KCNK9: variants seen among roughly 807,000 people sequenced by gnomAD.
KCNK9 encodes the protein potassium two pore domain channel subfamily K member 9.
KCNK9 carries 1 observed loss-of-function variant against 10.8 expected under a neutral mutation model. The observed-to-expected ratio is 0.09, with a 90% confidence interval of 0.03 to 0.44. The LOEUF (loss-of-function observed/expected upper bound fraction) is 0.44, where lower values mean the gene tolerates loss of function less well. Among genes scored for constraint, KCNK9 ranks in the 20% least tolerant of loss-of-function variants. The pLI is 0.97. For missense variants in KCNK9, 303 were observed against 515.0 expected (o/e 0.59, Z 3.98); for synonymous variants, 231 against 222.7 (o/e 1.04, Z -0.33).
chr8:139,613,630 A>G (rs1306175581), downstream of KCNK9, among the ~76,000 whole-genome samples: 1 of 152,196 alleles, frequency 6.6e-6, no homozygotes, highest in African/African-American at 2.4e-5. Context: ...TTTTGTGCTA[A>G]GTGCCCATAA....
rs942388518 is a variant in KCNK9, at chr8:139,693,030, C to T, written c.283+9680G>A. 6.6e-6 allele frequency among the ~76,000 whole-genome samples: 1 copy of T among 152,178 alleles called. No homozygotes were observed. The highest frequency in any genetic ancestry group is 2.4e-5 in the African/African-American group (1 of 41,456). ...CCACCTGAGAGATTCACCCCAACCT[C>T]ACCTGAGTTTTCACCCCAGCCCCAC... On this transcript the variant is annotated intron_variant, in intron 1 of 1. Coordinates refer to ENST00000520439, the MANE Select transcript of KCNK9 (RefSeq NM_001282534.2). This position sits in a 1 kb window ranked among gnomAD's most constrained non-coding sequence, Gnocchi z 4.1.
chr8:139,605,635 C>T (rs1049694054), intron 2 of KCNK9, among the ~76,000 whole-genome samples: 4 of 152,070 alleles, frequency 2.6e-5, no homozygotes, highest in African/African-American at 4.8e-5. Context: ...CATTTGTAAA[C>T]GTGCCATAGA....
At chr8:139,666,277 G>A (rs995971466) in intron 1 of KCNK9, among the ~76,000 whole-genome samples, 1 of 152,190 alleles carries the variant, frequency 6.6e-6, no homozygotes, top group Non-Finnish European at 1.5e-5. Context: ...CCCATCTGTA[G>A]AATGGAAGTC....
intron 1 of KCNK9, among the ~76,000 whole-genome samples, chr8:139,619,523 A>C (rs141341812): frequency 1.3e-5 from 2 of 152,350 alleles, no homozygotes; most frequent in East Asian, 3.9e-4. Context: ...AGCCCAAGGG[A>C]GAAACCTCTC....
At chr8:139,668,003 G>A (rs574770142) in intron 1 of KCNK9, among the ~76,000 whole-genome samples, 1 of 152,266 alleles carries the variant, frequency 6.6e-6, no homozygotes, top group East Asian at 1.9e-4. Flanking sequence ...TGCAGATACT[G>A]TGTTTCTTAC....
intron 1 of KCNK9, among the ~76,000 whole-genome samples, chr8:139,677,820 G>T (rs143285171): frequency 7.1e-6 from 1 of 140,770 alleles, no homozygotes; most frequent in African/African-American, 3.0e-5. Flanking sequence ...AGCCCAACAG[G>T]TCCCCACAGC....
chr8:139,702,597 G>A lies in KCNK9; in HGVS notation c.283+113C>T, dbSNP rs1283426828. The A allele has an allele frequency of 8.9e-7, 1 of 1,120,100 alleles. No individual in the cohort carries two copies. Among genetic ancestry groups the A allele is most frequent in the East Asian group, 2.6e-5 (1 of 38,676 alleles). The allele number at this position is 1,120,100 out of a possible 1,614,324, so 69.4% of individuals were successfully genotyped here. ...GGGGGCGCTGCGGGAAGGCCCCCAA[G>A]GGAGGCTGCGTTTAACCCTCGACGC... On this transcript the variant is annotated intron_variant, in intron 1 of 1. Coordinates refer to ENST00000520439, the MANE Select transcript of KCNK9 (RefSeq NM_001282534.2). The surrounding 1 kb of genome is among the most constrained non-coding windows in gnomAD (Gnocchi z 7.5).
At chr8:139,679,960 T>G (rs1816649788) in intron 1 of KCNK9, among the ~76,000 whole-genome samples, 1 of 152,150 alleles carries the variant, frequency 6.6e-6, no homozygotes, top group South Asian at 2.1e-4. Context: ...TCAGGAGGGA[T>G]GGGGCATCCT....
At chr8:139,625,217 A>G (rs893492187) in intron 1 of KCNK9, among the ~76,000 whole-genome samples, 1 of 152,190 alleles carries the variant, frequency 6.6e-6, no homozygotes, top group Admixed American at 6.5e-5. Flanking sequence ...TCTGGGCCCA[A>G]GGGAACTGAC....
chr8:139,673,772 C>T (rs1301150457), intron 1 of KCNK9, among the ~76,000 whole-genome samples: 1 of 152,112 alleles, frequency 6.6e-6, no homozygotes, highest in Non-Finnish European at 1.5e-5. Flanking sequence ...GGGGTGGGGC[C>T]CCTCAGGGTG....
chr8:139,614,944 C>T (rs895327584), downstream of KCNK9, among the ~76,000 whole-genome samples: 2 of 152,296 alleles, frequency 1.3e-5, no homozygotes, highest in East Asian at 1.9e-4. Context: ...TCTGGTAGCA[C>T]GTGGCTCTTC....
At chr8:139,681,986 C>T (rs891039311) in intron 1 of KCNK9, among the ~76,000 whole-genome samples, 36 of 152,262 alleles carry the variant, frequency 2.4e-4, no homozygotes, top group Admixed American at 1.0e-3. Flanking sequence ...CCACGGGAAC[C>T]AGACCAGGCC....
intron 1 of KCNK9, among the ~76,000 whole-genome samples, chr8:139,636,281 T>C (rs1428117221): frequency 5.3e-5 from 8 of 152,214 alleles, no homozygotes; most frequent in African/African-American, 1.4e-4. Context: ...TTCACGCAGT[T>C]CTCAAGTGGT....
chr8:139,625,527 G>C (rs1198195764), intron 1 of KCNK9, among the ~76,000 whole-genome samples: 1 of 152,136 alleles, frequency 6.6e-6, no homozygotes, highest in Non-Finnish European at 1.5e-5. Flanking sequence ...ATCTTCCCAG[G>C]CCTGCCTGGA....
chr8:139,627,356 C>G (rs888643417), intron 1 of KCNK9, among the ~76,000 whole-genome samples: 1 of 152,196 alleles, frequency 6.6e-6, no homozygotes, highest in African/African-American at 2.4e-5. Context: ...AAGAAGGGAA[C>G]AGTACTTTGT....
intron 1 of KCNK9, among the ~76,000 whole-genome samples, chr8:139,667,808 G>A (rs908253193): frequency 6.6e-6 from 1 of 152,124 alleles, no homozygotes; most frequent in African/African-American, 2.4e-5. Context: ...CATTGCACGG[G>A]AGGCAGAGCT....
chr8:139,639,283 C>G (rs1311650350), intron 1 of KCNK9, among the ~76,000 whole-genome samples: 1 of 152,256 alleles, frequency 6.6e-6, no homozygotes, highest in Non-Finnish European at 1.5e-5. Flanking sequence ...CCAGCATCAT[C>G]CCCATTTTGC....
At chr8:139,637,760 T>TACACACAC (rs34018499) in intron 1 of KCNK9, among the ~76,000 whole-genome samples, 113 of 146,206 alleles carry the variant, frequency 7.7e-4, no homozygotes, top group African/African-American at 1.4e-3. Flanking sequence ...ATTCCTACTC[T>TACACACAC]ACACACACAC....
chr8:139,601,039 C>T (rs891047976), downstream of KCNK9: 2 of 152,180 alleles, frequency 1.3e-5, no homozygotes, highest in Non-Finnish European at 2.9e-5. Flanking sequence ...GAAACAGACC[C>T]AGTCCCCGCC....
Sources: gnomAD v4.1 joint callset for allele counts (sites outside exome capture counted in the v4.1 genomes callset) on GRCh38, gnomAD v4.1.1 for gene constraint, Gnocchi (gnomAD v3.1) non-coding constraint, MANE v1.5 for transcripts, NCBI Gene and HGNC (gene_info 2026-07-23, HGNC 2026-07-21) for gene names.